The following ZNF599 variants were observed in gnomAD, a reference collection of about 807,000 sequenced individuals.
ZNF599 encodes zinc finger protein 599.
A neutral mutation model predicts 11.7 loss-of-function variants in ZNF599; 10 were observed. That is an observed-to-expected ratio of 0.86 (90% CI 0.53 to 1.45). The LOEUF is 1.45. ZNF599 is among the 40% of genes most tolerant of loss of function. The probability of loss-of-function intolerance (pLI) is 0.00; values close to 1 mark genes in which losing one functional copy is unlikely to be tolerated. For missense variants in ZNF599, 688 were observed against 713.6 expected, an observed-to-expected ratio of 0.96 and a Z score of 0.41; for synonymous variants, 232 against 253.2, an observed-to-expected ratio of 0.92 and a Z score of 0.79.
chr19:34,793,625 G>A, the ZNF599 span, among the ~76,000 whole-genome samples: 3 of 152,216 alleles, frequency 2.0e-5, no homozygotes, highest in African/African-American at 7.2e-5. Context: ...TCTGATGTAG[G>A]TGAACCCCAG....
chr19:34,787,816 C>T, the ZNF599 span, among the ~76,000 whole-genome samples: 101 of 152,250 alleles, frequency 6.6e-4, no homozygotes, highest in Middle Eastern at 3.4e-3. Flanking sequence ...AGCCACATAT[C>T]CAGGAAGAGA....
At chr19:34,802,767 C>T in the ZNF599 span, among the ~76,000 whole-genome samples, 5 of 152,142 alleles carry the variant, frequency 3.3e-5, no homozygotes, top group Non-Finnish European at 7.3e-5. Flanking sequence ...CTCTCACCTG[C>T]CACTTAATAG....
chr19:34,800,619 G>A, the ZNF599 span, among the ~76,000 whole-genome samples: 16 of 110,656 alleles, frequency 1.4e-4, no homozygotes, highest in Non-Finnish European at 2.0e-4. Context: ...TTTTTGAGAC[G>A]GAGTGTCGCT....
the ZNF599 span, among the ~76,000 whole-genome samples, chr19:34,785,221 T>C: frequency 6.6e-6 from 1 of 152,242 alleles, no homozygotes; most frequent in African/African-American, 2.4e-5. Flanking sequence ...TTACCCTTCA[T>C]GTTAGAAAAT....
intron 3 of ZNF599, among the ~76,000 whole-genome samples, chr19:34,762,640 C>T (rs1390820178): frequency 6.6e-6 from 1 of 152,052 alleles, no homozygotes; most frequent in African/African-American, 2.4e-5. Context: ...ATGCAATTGA[C>T]TCTAGCAGGA....
At chr19:34,776,047 G>A (rs2069215974), upstream of ZNF599, among the ~76,000 whole-genome samples, 1 of 152,154 alleles carries the variant, frequency 6.6e-6, no homozygotes, top group African/African-American at 2.4e-5. Context: ...ATATATATTT[G>A]AAAGGTAAAC....
the ZNF599 span, among the ~76,000 whole-genome samples, chr19:34,787,510 T>C: frequency 2.6e-5 from 4 of 152,358 alleles, no homozygotes; most frequent in South Asian, 4.1e-4. Context: ...TGAATTCTTA[T>C]AGGCCACAGG....
At chr19:34,765,123 A>G (rs2069134266) in intron 3 of ZNF599, 1 of 154,016 alleles carries the variant, frequency 6.5e-6, no homozygotes, top group South Asian at 2.0e-4. Flanking sequence ...ATGAAAATAT[A>G]GAAGAGGTAG....
In ZNF599 at chr19:34,773,083, T is replaced by C; in HGVS notation, c.-242A>G. On this transcript the variant is annotated 5_prime_UTR_variant, in exon 1 of 4. Transcript: ENST00000329285. ...GGATCGCGGCTGACATAAAAGCGTG[T>C]AAGTGGGTCCTATCCTCCTCACTGT... is the stretch of plus-strand genomic sequence containing the variant. 2 of 525,562 alleles carry C rather than the reference T, an allele frequency of 3.8e-6. No homozygotes were observed. Among genetic ancestry groups the C allele is most frequent in the Non-Finnish European group, 6.6e-6 (2 of 302,396 alleles). 32.6% of individuals were successfully genotyped at this position (525,562 alleles called of 1,614,324 possible).
chr19:34,760,233 G>T lies in ZNF599; in HGVS notation c.568C>A (p.Pro190Thr). The change falls in exon 4 of 4, where the codon CCC becomes ACC. Residue 190 changes from proline to threonine, a missense_variant. Coordinates refer to ENST00000329285, the MANE Select transcript of ZNF599 (RefSeq NM_001007248.3). Reference protein sequence around the residue: ...ECDSQGPGKDPMTDARNNPYT... With the variant: ...ECDSQGPGKDTMTDARNNPYT... ...GGGTTATTCCTTGCATCAGTCATGG[G>T]GTCTTTTCCTGGTCCTTGAGAGTCA... is the stretch of plus-strand genomic sequence containing the variant. 6.2e-7 allele frequency: 1 copy of T among 1,614,068 alleles called. No homozygotes were observed. The highest frequency in any genetic ancestry group is 8.5e-7 in the Non-Finnish European group (1 of 1,180,020).
chr19:34,765,235 T>C (rs1366921515), intron 3 of ZNF599: 4 of 252,096 alleles, frequency 1.6e-5, no homozygotes, highest in Non-Finnish European at 3.1e-5. Flanking sequence ...GTAGTTCCCC[T>C]GTTAAAATGT....
chr19:34,791,778 G>A, the ZNF599 span: 1 of 152,164 alleles, frequency 6.6e-6, no homozygotes, highest in Non-Finnish European at 1.5e-5. Context: ...ATTGATCTAC[G>A]GAGTTCAGGG....
chr19:34,781,932 G>T, the ZNF599 span, among the ~76,000 whole-genome samples: 3 of 152,206 alleles, frequency 2.0e-5, no homozygotes, highest in South Asian at 2.1e-4. Context: ...GCAGCCTGGG[G>T]CCCAGTGTCA....
At chr19:34,787,348 T>C in the ZNF599 span, among the ~76,000 whole-genome samples, 1 of 152,144 alleles carries the variant, frequency 6.6e-6, no homozygotes, top group Non-Finnish European at 1.5e-5. Flanking sequence ...TCTGTCAAAA[T>C]ATAAAACATC....
At chr19:34,777,078 T>C (rs2145472638), upstream of ZNF599, among the ~76,000 whole-genome samples, 1 of 151,420 alleles carries the variant, frequency 6.6e-6, no homozygotes, top group African/African-American at 2.4e-5. Context: ...ACCATGCCTC[T>C]GGAGTTGAGT....
the ZNF599 span, chr19:34,788,572 A>G: frequency 6.6e-6 from 1 of 152,212 alleles, no homozygotes; most frequent in African/African-American, 2.4e-5. Flanking sequence ...ACCTGCATAA[A>G]ATGAAATTCT....
upstream of ZNF599, among the ~76,000 whole-genome samples, chr19:34,774,603 A>C (rs2069207673): frequency 6.6e-6 from 1 of 152,234 alleles, no homozygotes. Context: ...AGAAGCCAGG[A>C]TGTGCTGTCC....
Position 34,760,076 on chromosome 19 carries a change from ACAT to A in ZNF599, c.722_724del (p.Asp241del). 2.5e-6 allele frequency: 4 copies of A among 1,614,086 alleles called. No homozygotes were observed. The highest frequency in any genetic ancestry group is 3.4e-6 in the Non-Finnish European group (4 of 1,179,994). On this transcript the variant is annotated inframe_deletion, in exon 4 of 4. Coordinates refer to ENST00000329285, the MANE Select transcript of ZNF599 (RefSeq NM_001007248.3). Reference sequence around the variant, plus strand: ...AGTATGAAGCCTCATATGTCGAATGACATCAGCCATATAACGACAGGCTTTCCC... The same window carrying A: ...AGTATGAAGCCTCATATGTCGAATGACAGCCATATAACGACAGGCTTTCCC...
At chr19:34,770,495 G>A (rs930242833) in intron 1 of ZNF599, among the ~76,000 whole-genome samples, 2 of 152,250 alleles carry the variant, frequency 1.3e-5, no homozygotes, top group Non-Finnish European at 2.9e-5. Flanking sequence ...CTGAAGAGGT[G>A]CCAACTGCCT....
Sources: allele counts gnomAD v4.1 joint callset (sites outside exome capture counted in the v4.1 genomes callset), GRCh38; gene constraint gnomAD v4.1.1; transcripts MANE v1.5; gene names NCBI Gene and HGNC (gene_info 2026-07-23, HGNC 2026-07-21).